IGHMBP2: variants seen among roughly 807,000 people sequenced by gnomAD.
IGHMBP2 encodes DNA-binding protein SMUBP-2.
In IGHMBP2, 81 loss-of-function variants were observed where a neutral mutation model predicts 96.0. That is an observed-to-expected ratio of 0.84 (90% confidence interval 0.71 to 1.01). The LOEUF (loss-of-function observed/expected upper bound fraction) is 1.01. Among genes scored for constraint, IGHMBP2 ranks in the 50% least tolerant of loss-of-function variants. The probability of loss-of-function intolerance (pLI) is 0.00; values close to 1 mark genes in which losing one functional copy is unlikely to be tolerated. For missense variants in IGHMBP2, 1,227 were observed against 1,306.3 expected (o/e 0.94, Z 0.94); for synonymous variants, 557 against 548.9 (o/e 1.01, Z -0.21).
Position 68,908,454 on chromosome 11 carries a change from T to C in IGHMBP2, c.450-80T>C, listed in dbSNP as rs511745. The C allele has an allele frequency of 2.0e-3, 2,872 of 1,440,002 alleles. 62 individuals carry two copies. The African/African-American group carries it at 0.035, about 18-fold the overall frequency. The allele number at this position is 1,440,002 out of a possible 1,614,324, so 89.2% of individuals were successfully genotyped here. ...AGTCATGGTGTGGGTGTGGCCCTCA[T>C]GGGAGTTGGTGGCAGCATTGGGGCA... On this transcript the variant is annotated intron_variant, in intron 3 of 14. Transcript: ENST00000255078.
At chr11:68,904,647 T>A (rs1349270920) in intron 1 of IGHMBP2, among the ~76,000 whole-genome samples, 1 of 151,858 alleles carries the variant, frequency 6.6e-6, no homozygotes, top group African/African-American at 2.4e-5. Flanking sequence ...TCCTGAGAGG[T>A]GTGGGGAGCC....
chr11:68,926,004 A>G (rs928206805), intron 7 of IGHMBP2, among the ~76,000 whole-genome samples: 1 of 140,786 alleles, frequency 7.1e-6, no homozygotes, highest in Admixed American at 8.1e-5. Flanking sequence ...GTTTTCAGCC[A>G]TTATTTTTTC....
chr11:68,916,026 T>C (rs1309834137), intron 6 of IGHMBP2, among the ~76,000 whole-genome samples: 6 of 151,650 alleles, frequency 4.0e-5, no homozygotes, highest in African/African-American at 1.5e-4. Context: ...ATACAAAAAT[T>C]AGCTGAGCAT....
chr11:68,929,966 C>T (rs186150797), intron 8 of IGHMBP2: 6 of 885,768 alleles, frequency 6.8e-6, no homozygotes, highest in Admixed American at 5.4e-5. Context: ...AAGTGCTGCC[C>T]GCCCCCCCAG....
chr11:68,928,380 T>C (rs182835701), intron 7 of IGHMBP2, among the ~76,000 whole-genome samples: 5 of 152,346 alleles, frequency 3.3e-5, no homozygotes, highest in East Asian at 1.9e-4. Context: ...TGGGTGCTTT[T>C]TCTAGCCATC....
Position 68,939,955 on chromosome 11 carries a change from T to G in IGHMBP2, c.*224T>G, listed in dbSNP as rs971315347. The G allele has an allele frequency of 1.9e-5, 11 of 583,716 alleles. No homozygotes were observed. The highest frequency in any genetic ancestry group is 5.6e-5 in the African/African-American group (3 of 53,470). 36.2% of individuals were successfully genotyped at this position (583,716 alleles called of 1,614,324 possible). On this transcript the variant is annotated 3_prime_UTR_variant, in exon 15 of 15. Transcript: ENST00000255078. ...TGGGGGACAACAGTGCTCGTGCAGG[T>G]GGGGCTTGGGAAATGCACGTCCCTT...
chr11:68,915,068 C>A, intron 6 of IGHMBP2, 45 bp downstream of exon 6: 1 of 1,510,606 alleles, frequency 6.6e-7, no homozygotes, highest in Non-Finnish European at 9.2e-7. Flanking sequence ...GGCTTCTGAT[C>A]TGCAGTCTTT....
At chr11:68,929,056 A>G in intron 7 of IGHMBP2, 127 bp from the exon 8 acceptor site, 2 of 906,720 alleles carry the variant, frequency 2.2e-6, no homozygotes, top group Non-Finnish European at 3.6e-6. Context: ...CAAGATACAA[A>G]TTTATCCCAC....
chr11:68,906,337 A>G lies in IGHMBP2; in HGVS notation c.256+99A>G, dbSNP rs747952000. The G allele has an allele frequency of 2.4e-5, 31 of 1,293,066 alleles. No homozygotes were observed. In the Middle Eastern group the frequency reaches 1.6e-3, roughly 67 times the overall value. The allele number at this position is 1,293,066 out of a possible 1,614,324, so 80.1% of individuals were successfully genotyped here. A position where few individuals can be genotyped will look rare whatever the true frequency, so the allele number is the denominator to read the frequency against. ...CTGGATTAAAATGACCAGTTGGAGA[A>G]TAAAGCGTTGCAATGAAGAACTCTT... On this transcript the variant is annotated intron_variant, in intron 2 of 14. Transcript: ENST00000255078.
chr11:68,935,164 C>A, intron 11 of IGHMBP2, 135 bp from the exon 12 acceptor site: 1 of 1,164,252 alleles, frequency 8.6e-7, no homozygotes, highest in Non-Finnish European at 1.2e-6. Flanking sequence ...AGCCTTTCCC[C>A]ATGGGGCTCC....
chr11:68,934,457 C>G lies in IGHMBP2; in HGVS notation c.1538-7C>G. On this transcript the variant is annotated splice_region_variant and splice_polypyrimidine_tract_variant and intron_variant, in intron 10 of 14. Transcript: ENST00000255078. ...GTGCTGCTCACCCGTTCTTTCTTTC[C>G]CTCCAGGCGAAGTCCGCCTCGTCAG... The G allele has an allele frequency of 6.2e-7, 1 of 1,600,966 alleles. No homozygotes were observed. The highest frequency in any genetic ancestry group is 1.3e-5 in the African/African-American group (1 of 74,686).
chr11:68,929,228 T>G lies in IGHMBP2; in HGVS notation c.1106T>G (p.Phe369Cys). 6.2e-7 allele frequency: 1 copy of G among 1,613,836 alleles called. No individual in the cohort carries two copies. The highest frequency in any genetic ancestry group is 1.3e-5 in the African/African-American group (1 of 75,046). The change falls in exon 8 of 15, where the codon TTC (phenylalanine) becomes TGC (cysteine). Residue 369 changes from phenylalanine (F) to cysteine (C), a missense_variant. Physicochemically the swap from Phe to Cys is radical, Grantham distance 205. Coordinates refer to ENST00000255078, the MANE Select transcript of IGHMBP2 (RefSeq NM_002180.3). The stretch of plus-strand genomic sequence containing the variant: ...CTGAAGTTGCTGCCCGAGAGCTACT[T>G]CGACGTGGTGGTCATTGACGAGTGT... The part of the protein sequence containing the change: ...GPLKLLPESY[F>C]DVVVIDECAQ...
chr11:68,914,722 C>T (rs1399079547), intron 5 of IGHMBP2, 101 bp from the exon 6 acceptor site: 11 of 1,238,210 alleles, frequency 8.9e-6, no homozygotes, highest in Non-Finnish European at 1.3e-5. Context: ...GTGTACATGC[C>T]TTGTGCTTCT....
Position 68,934,465 on chromosome 11 carries a change from C to T in IGHMBP2, c.1539C>T (p.Gly513=), listed in dbSNP as rs746624957. The stretch of plus-strand genomic sequence containing the variant: ...CACCCGTTCTTTCTTTCCCTCCAGG[C>T]GAAGTCCGCCTCGTCAGTTTGCACA... ...EEDEQSKGNP[G]EVRLVSLHIQ... The change falls in exon 11 of 15, where the codon GGC becomes GGT. Residue 513 remains glycine (G), a splice_region_variant and synonymous_variant. Coordinates refer to ENST00000255078, the MANE Select transcript of IGHMBP2 (RefSeq NM_002180.3). 12 of 1,605,598 alleles carry T rather than the reference C, an allele frequency of 7.5e-6. No homozygotes were observed. The highest frequency in any genetic ancestry group is 1.1e-5 in the South Asian group (1 of 89,342).
At position 68,914,941 on chromosome 11, in the gene IGHMBP2, A is replaced by T. The variant is rs112495985; in HGVS notation, c.830A>T (p.Gln277Leu). ...HPARLLESIQQHSLDAVLARS... is the reference protein window; with the variant it reads ...HPARLLESIQLHSLDAVLARS... Reference sequence around the variant, plus strand: ...GCCCGCCTCCTGGAGTCCATTCAGCAGCACTCCCTGGATGCGGTTTTAGCG... The same window carrying T: ...GCCCGCCTCCTGGAGTCCATTCAGCTGCACTCCCTGGATGCGGTTTTAGCG... The change falls in exon 6 of 15, where the codon CAG (glutamine) becomes CTG (leucine). Residue 277 changes from glutamine to leucine, a missense_variant. By Grantham distance (113) the Gln-to-Leu change is moderately radical. Around this residue, in one of 3 missense-constraint regions of IGHMBP2, gnomAD observed 507 missense variants for 496.9 expected, o/e 1.02. Coordinates refer to ENST00000255078, the MANE Select transcript of IGHMBP2 (RefSeq NM_002180.3). 6.2e-7 allele frequency: 1 copy of T among 1,614,084 alleles called. No individual in the cohort carries two copies. The highest frequency in any genetic ancestry group is 2.2e-5 in the East Asian group (1 of 44,856).
chr11:68,908,600 C>G lies in IGHMBP2; in HGVS notation c.516C>G (p.Gly172=), dbSNP rs1338970087. ...PASSLIEVLF[G]RSAPSPASEI... ...CCTCACTCATAGAAGTGCTCTTTGG[C>G]AGATCTGCTCCCAGTCCTGCCAGTG... The change falls in exon 4 of 15, where the codon GGC becomes GGG. Residue 172 remains glycine, a synonymous_variant. Coordinates refer to ENST00000255078, the MANE Select transcript of IGHMBP2 (RefSeq NM_002180.3). 1 of 1,613,562 alleles carries G rather than the reference C, an allele frequency of 6.2e-7. No individual in the cohort carries two copies. Among genetic ancestry groups the G allele is most frequent in the Non-Finnish European group, 8.5e-7 (1 of 1,179,474 alleles).
At chr11:68,936,107 G>A in intron 12 of IGHMBP2, 130 bp from the exon 13 acceptor site, 1 of 1,036,540 alleles carries the variant, frequency 9.6e-7, no homozygotes. Context: ...GCGTGGCCGG[G>A]CACCCGTGTG....
chr11:68,906,025 A>G, intron 1 of IGHMBP2, 44 bp from the exon 2 acceptor site: 2 of 1,592,702 alleles, frequency 1.3e-6, no homozygotes, highest in Non-Finnish European at 1.7e-6. Context: ...GTGGAAGTAG[A>G]AACTAGTAAA....
Sources: allele counts gnomAD v4.1 joint callset (sites outside exome capture counted in the v4.1 genomes callset), GRCh38; gene constraint gnomAD v4.1.1; regional missense constraint gnomAD v4.1.1; transcripts MANE v1.5; gene names NCBI Gene and HGNC (gene_info 2026-07-23, HGNC 2026-07-21).